FOXP1: variants seen among roughly 807,000 people sequenced by gnomAD.
The protein encoded by FOXP1 is forkhead box P1.
In FOXP1, 15 loss-of-function variants were observed where a neutral mutation model predicts 98.2. The ratio of observed to expected loss-of-function variants is 0.15; its 90% CI spans 0.10 to 0.24. The LOEUF (loss-of-function observed/expected upper bound fraction) is 0.24, where lower values mean the gene tolerates loss of function less well. Among genes scored for constraint, FOXP1 ranks in the 10% least tolerant of loss-of-function variants. FOXP1 has a pLI of 1.00. For missense variants in FOXP1, 633 were observed against 848.5 expected, an observed-to-expected ratio of 0.75 and a Z score of 3.15; for synonymous variants, 371 against 314.5, an observed-to-expected ratio of 1.18 and a Z score of -1.90.
chr3:70,972,485 C>T (rs974576150), intron 18 of FOXP1, 70 bp downstream of exon 18: 2 of 1,604,572 alleles, frequency 1.2e-6, no homozygotes, highest in Non-Finnish European at 8.5e-7. Context: ...ATCTAGCAGC[C>T]AAAGCCTCTA....
At chr3:71,413,545 A>G (rs184492774) in intron 3 of FOXP1, among the ~76,000 whole-genome samples, 155 of 152,250 alleles carry the variant, frequency 1.0e-3, no homozygotes, top group Non-Finnish European at 1.8e-3. Context: ...ATGTTCAAAC[A>G]TCCAGACAAG....
At chr3:71,325,123 G>C (rs2075611786) in intron 4 of FOXP1, among the ~76,000 whole-genome samples, 1 of 148,370 alleles carries the variant, frequency 6.7e-6, no homozygotes, top group Non-Finnish European at 1.5e-5. Context: ...CTCCATCTCA[G>C]CTCACTGCAA....
intron 3 of FOXP1, among the ~76,000 whole-genome samples, chr3:71,432,431 T>C (rs1033858622): frequency 4.6e-5 from 7 of 152,106 alleles, no homozygotes; most frequent in Admixed American, 1.3e-4. Context: ...CAAAGCACAA[T>C]TGACGCACCC....
chr3:71,479,985 C>G (rs1305432632), intron 3 of FOXP1, among the ~76,000 whole-genome samples: 2 of 152,090 alleles, frequency 1.3e-5, no homozygotes, highest in African/African-American at 4.8e-5. Context: ...ATCACGAGGT[C>G]AGGAGTTCGA....
chr3:71,182,676 A>C (rs116473567), intron 6 of FOXP1, among the ~76,000 whole-genome samples: 2,067 of 151,692 alleles, frequency 0.014, 52 homozygotes, highest in African/African-American at 0.047. Flanking sequence ...ACTACAGGCA[A>C]GTGCCGCCAT....
intron 5 of FOXP1, among the ~76,000 whole-genome samples, chr3:71,221,263 T>A (rs1413042219): frequency 6.6e-6 from 1 of 152,100 alleles, no homozygotes; most frequent in East Asian, 1.9e-4. Context: ...ACTCTTCCCC[T>A]CTCCTGGTCA....
chr3:71,470,951 C>A (rs2089284378), intron 3 of FOXP1, among the ~76,000 whole-genome samples: 1 of 152,188 alleles, frequency 6.6e-6, no homozygotes, highest in Non-Finnish European at 1.5e-5. Flanking sequence ...CAGCTTCCTA[C>A]CTCTACAATG....
chr3:71,006,777 G>A (rs767643700), intron 12 of FOXP1, among the ~76,000 whole-genome samples: 1 of 152,078 alleles, frequency 6.6e-6, no homozygotes, highest in African/African-American at 2.4e-5. Flanking sequence ...ATGCACATAT[G>A]CAGTTATATG....
At chr3:71,130,938 C>A (rs2059536219) in intron 6 of FOXP1, 6 of 1,262,416 alleles carry the variant, frequency 4.8e-6, no homozygotes, top group Non-Finnish European at 5.0e-6. Context: ...CTAGACCAAG[C>A]CCTAGCCAAA....
intron 6 of FOXP1, among the ~76,000 whole-genome samples, chr3:71,173,026 G>C (rs183989549): frequency 6.6e-6 from 1 of 152,154 alleles, no homozygotes; most frequent in Non-Finnish European, 1.5e-5. Context: ...AGTTACAGCA[G>C]CAACACTCAG....
Position 70,977,819 on chromosome 3 carries a change from A to C in FOXP1, c.1348+9T>G. 9 of 1,613,966 alleles carry C rather than the reference A, an allele frequency of 5.6e-6. No homozygotes were observed. The highest frequency in any genetic ancestry group is 7.6e-6 in the Non-Finnish European group (9 of 1,179,820). The stretch of plus-strand genomic sequence containing the variant: ...CAACTCTACGTGAGGCAAAAGGTGG[A>C]GTATCTACCTGACGAAATGGGCACG... On this transcript the variant is annotated intron_variant, in intron 15 of 20. Transcript: ENST00000649528.
intron 7 of FOXP1, among the ~76,000 whole-genome samples, chr3:71,070,396 C>A (rs1361930698): frequency 6.6e-6 from 1 of 152,204 alleles, no homozygotes; most frequent in African/African-American, 2.4e-5. Context: ...CAATAAAACA[C>A]CTTCTTAGCA....
chr3:71,393,691 A>C (rs1426634027), intron 3 of FOXP1, among the ~76,000 whole-genome samples: 1 of 152,228 alleles, frequency 6.6e-6, no homozygotes, highest in Non-Finnish European at 1.5e-5. Context: ...TAAACTTAAC[A>C]AGAAAGTCTT....
chr3:71,404,266 T>G (rs566528718), intron 3 of FOXP1, among the ~76,000 whole-genome samples: 2 of 151,674 alleles, frequency 1.3e-5, no homozygotes, highest in East Asian at 3.9e-4. Flanking sequence ...TAGCTGGGAT[T>G]ATAGACATGC....
intron 4 of FOXP1, among the ~76,000 whole-genome samples, chr3:71,327,634 G>T (rs542793326): frequency 1.3e-5 from 2 of 151,864 alleles, no homozygotes; most frequent in Admixed American, 1.3e-4. Flanking sequence ...TGATCTGCCC[G>T]CCTCAGCCTC....
intron 5 of FOXP1, among the ~76,000 whole-genome samples, chr3:71,207,502 T>G (rs1174809703): frequency 1.3e-5 from 2 of 152,170 alleles, no homozygotes; most frequent in African/African-American, 4.8e-5. Context: ...AATTTTATCC[T>G]TCAAAAACTC....
At chr3:71,444,022 T>C (rs1226354348) in intron 3 of FOXP1, among the ~76,000 whole-genome samples, 2 of 152,180 alleles carry the variant, frequency 1.3e-5, no homozygotes, top group Non-Finnish European at 2.9e-5. Context: ...CCAACTGGTT[T>C]CTACCTAAAT....
chr3:71,397,019 T>TACATATATATGTGTATATAC (rs1560425175), intron 3 of FOXP1, among the ~76,000 whole-genome samples: 2 of 57,282 alleles, frequency 3.5e-5, no homozygotes, highest in African/African-American at 1.3e-4. Context: ...TATATATATA[T>TACATATATATGTGTATATAC]ATATACATAT....
chr3:70,958,121 C>CTT lies in FOXP1; in HGVS notation c.*1124_*1125dup, dbSNP rs199626546. ...ATATTGTCAGTCTAATTAATATGAG[C>CTT]TTTTTTTTTTTTTTCAGTGCTGCCT... is the stretch of plus-strand genomic sequence containing the variant. On this transcript the variant is annotated 3_prime_UTR_variant, in exon 21 of 21. Coordinates refer to ENST00000649528, the MANE Select transcript of FOXP1 (RefSeq NM_001349338.3). 630 of 268,238 alleles carry CTT rather than the reference C, an allele frequency of 2.3e-3. 3 individuals carry two copies. Among genetic ancestry groups the CTT allele is most frequent in the East Asian group, 0.017 (290 of 17,374 alleles). The allele number at this position is 268,238 out of a possible 1,614,324, so 16.6% of individuals were successfully genotyped here. A position where few individuals can be genotyped will look rare whatever the true frequency, so the allele number is the denominator to read the frequency against.
Sources: allele counts gnomAD v4.1 joint callset (sites outside exome capture counted in the v4.1 genomes callset), GRCh38; gene constraint gnomAD v4.1.1; transcripts MANE v1.5; gene names NCBI Gene and HGNC (gene_info 2026-07-23, HGNC 2026-07-21).